The following PLA2G2C variants were observed in gnomAD, a reference collection of about 807,000 sequenced individuals.
PLA2G2C encodes the protein putative inactive group IIC secretory phospholipase A2.
PLA2G2C carries 15 observed loss-of-function variants against 14.3 expected under a neutral mutation model. The ratio of observed to expected loss-of-function variants is 1.05; its 90% CI spans 0.70 to 1.62. PLA2G2C has a LOEUF of 1.62. Among genes scored for constraint, PLA2G2C ranks in the 40% most tolerant of loss-of-function variants. The pLI is 0.00. For missense variants in PLA2G2C, 162 were observed against 173.2 expected (o/e 0.94, Z 0.36); for synonymous variants, 79 against 67.7 (o/e 1.17, Z -0.82).
intron 4 of PLA2G2C, among the ~76,000 whole-genome samples, chr1:20,168,078 C>T (rs1349526525): frequency 6.6e-6 from 1 of 152,258 alleles, no homozygotes; most frequent in Admixed American, 6.5e-5. Context: ...TTGCTGACTA[C>T]ATTGCCACAC....
chr1:20,165,797 TTG>T (rs1395659413), intron 4 of PLA2G2C, among the ~76,000 whole-genome samples: 1 of 151,708 alleles, frequency 6.6e-6, no homozygotes, highest in Admixed American at 6.6e-5. Context: ...TGTGCGTGCA[TTG>T]TGTGTTTGTG....
intron 1 of PLA2G2C, among the ~76,000 whole-genome samples, chr1:20,181,895 A>G (rs2018284398): frequency 6.6e-6 from 1 of 152,068 alleles, no homozygotes; most frequent in Non-Finnish European, 1.5e-5. Context: ...AGAGCAACTA[A>G]CTCAGGGGCC....
intron 1 of PLA2G2C, among the ~76,000 whole-genome samples, chr1:20,179,296 G>A (rs184352805): frequency 2.7e-3 from 404 of 151,272 alleles, no homozygotes; most frequent in Middle Eastern, 0.01. Flanking sequence ...GTGTGTGTGC[G>A]CGCGCACGTG....
At chr1:20,165,698 GTGCA>G (rs1267823697) in intron 4 of PLA2G2C, among the ~76,000 whole-genome samples, 1 of 150,294 alleles carries the variant, frequency 6.7e-6, no homozygotes, top group Non-Finnish European at 1.5e-5. Context: ...ATGCGCGTGT[GTGCA>G]TGCGTGTGCC....
chr1:20,183,893 C>A (rs1400800247), intron 1 of PLA2G2C, among the ~76,000 whole-genome samples: 3 of 152,180 alleles, frequency 2.0e-5, no homozygotes, highest in Non-Finnish European at 4.4e-5. Context: ...TTTCAGCTGG[C>A]AGGGCAATGA....
At chr1:20,183,913 A>G (rs1034572944) in intron 1 of PLA2G2C, among the ~76,000 whole-genome samples, 25 of 152,326 alleles carry the variant, frequency 1.6e-4, no homozygotes, top group Admixed American at 1.5e-3. Flanking sequence ...ACCTCTGCCC[A>G]TGTTTACTGA....
intron 4 of PLA2G2C, among the ~76,000 whole-genome samples, chr1:20,171,624 A>G (rs2018075999): frequency 6.6e-6 from 1 of 152,070 alleles, no homozygotes; most frequent in Non-Finnish European, 1.5e-5. Flanking sequence ...TAGTTCCCTG[A>G]CCTCAGGAGG....
At chr1:20,185,901 C>T (rs1347431278) in intron 1 of PLA2G2C, among the ~76,000 whole-genome samples, 1 of 152,226 alleles carries the variant, frequency 6.6e-6, no homozygotes, top group Non-Finnish European at 1.5e-5. Context: ...GAGAAGGAGG[C>T]CGCGGGTCCC....
At position 20,175,111 on chromosome 1, in the gene PLA2G2C, C is replaced by G. The variant is rs752547599; in HGVS notation, c.75G>C (p.Arg25Ser). The change falls in exon 3 of 5, where the codon AGG becomes AGC. Residue 25 changes from arginine to serine, a missense_variant. Transcript: ENST00000679259. ...TTCGCCCCGTGATGTGTTTGACCCTCCTCTGAAACTGCCAGAAACTGCTGT... is the reference window on the plus strand; with the variant it reads ...TTCGCCCCGTGATGTGTTTGACCCTGCTCTGAAACTGCCAGAAACTGCTGT... ...PTHSSFWQFQ[R>S]RVKHITGRSA... 3.7e-6 allele frequency: 6 copies of G among 1,613,966 alleles called. No individual in the cohort carries two copies. The highest frequency in any genetic ancestry group is 4.2e-6 in the Non-Finnish European group (5 of 1,179,874).
rs567404397 is a variant in PLA2G2C, at chr1:20,182,996, C to T, written c.-77+3364G>A. Reference sequence around the variant, plus strand: ...CTAGCCTTGGAATCAGCACCACCATCATCATTGCCGAGCACGTATCACAAA... The same window carrying T: ...CTAGCCTTGGAATCAGCACCACCATTATCATTGCCGAGCACGTATCACAAA... On this transcript the variant is annotated intron_variant, in intron 1 of 4. Transcript: ENST00000679259. Among the ~76,000 whole-genome samples the T allele has an allele frequency of 5.6e-5, 8 of 143,854 alleles. No individual in the cohort carries two copies. In the South Asian group the frequency reaches 1.7e-3, roughly 30 times the overall value. 94.4% of individuals were successfully genotyped at this position (143,854 alleles called of 152,430 possible).
rs2017911910 is a variant in PLA2G2C, at chr1:20,163,835, T to A, written c.*156A>T. ...GATGCTGAACGACAGGGAGTCCCCT[T>A]GGTCAGAATGCTGAAGGGTGAGCTG... On this transcript the variant is annotated 3_prime_UTR_variant, in exon 5 of 5. Coordinates refer to ENST00000679259, the MANE Select transcript of PLA2G2C (RefSeq NM_001367969.2). 2 of 803,264 alleles carry A rather than the reference T, an allele frequency of 2.5e-6. No individual in the cohort carries two copies. Among genetic ancestry groups the A allele is most frequent in the Non-Finnish European group, 1.9e-6 (1 of 528,000 alleles). The allele number at this position is 803,264 out of a possible 1,614,324, so 49.8% of individuals were successfully genotyped here.
At chr1:20,170,709 T>A (rs2018059185) in intron 4 of PLA2G2C, among the ~76,000 whole-genome samples, 1 of 95,512 alleles carries the variant, frequency 1.0e-5, no homozygotes. Flanking sequence ...AGGCGGGTGC[T>A]GATGCCCTGG....
chr1:20,182,718 C>G (rs1225768164), intron 1 of PLA2G2C, among the ~76,000 whole-genome samples: 1 of 152,220 alleles, frequency 6.6e-6, no homozygotes, highest in Non-Finnish European at 1.5e-5. Context: ...TCACCTTCTG[C>G]TTAAAGGTTA....
chr1:20,183,656 G>A (rs2018313693), intron 1 of PLA2G2C, among the ~76,000 whole-genome samples: 1 of 152,228 alleles, frequency 6.6e-6, no homozygotes, highest in South Asian at 2.1e-4. Context: ...TTTGTGGGGA[G>A]GCTGTGGTCA....
Position 20,164,124 on chromosome 1 carries a change from T to C in PLA2G2C, c.317A>G (p.His106Arg), listed in dbSNP as rs1048508133. The C allele has an allele frequency of 1.9e-6, 3 of 1,613,526 alleles. No homozygotes were observed. In the African/African-American group the frequency reaches 4.0e-5, roughly 22 times the overall value. The change falls in exon 5 of 5, where the codon CAC becomes CGC. Residue 106 changes from histidine (H) to arginine (R), a missense_variant. His to Arg is a conservative substitution (Grantham distance 29, BLOSUM62 0). Transcript: ENST00000679259. ...GCTLGPGASC[H>R]CRLKACECDK... ...ACACTCACAGGCCTTCAGCCTGCAG[T>C]GGCAGCTGGCACCAGGACCAAGGGT... is the stretch of plus-strand genomic sequence containing the variant.
At chr1:20,183,011 C>T (rs1304351647) in intron 1 of PLA2G2C, among the ~76,000 whole-genome samples, 3 of 152,188 alleles carry the variant, frequency 2.0e-5, no homozygotes, top group Non-Finnish European at 2.9e-5. Flanking sequence ...TTGCCGAGCA[C>T]GTATCACAAA....
At chr1:20,164,278 A>G in intron 4 of PLA2G2C, 121 bp from the exon 5 acceptor site, 1 of 972,190 alleles carries the variant, frequency 1.0e-6, no homozygotes, top group Non-Finnish European at 1.5e-6. Context: ...AAGGAAAGCC[A>G]CTGAAAGGGA....
At chr1:20,179,521 C>CTGTG (rs35039220) in intron 1 of PLA2G2C, among the ~76,000 whole-genome samples, 5,460 of 136,464 alleles carry the variant, frequency 0.04, 162 homozygotes, top group African/African-American at 0.066. Context: ...ATGTCAGTTT[C>CTGTG]TGTGTGTGTG....
intron 1 of PLA2G2C, among the ~76,000 whole-genome samples, chr1:20,178,062 G>C (rs927542607): frequency 6.6e-6 from 1 of 152,214 alleles, no homozygotes; most frequent in Non-Finnish European, 1.5e-5. Flanking sequence ...TCACATAGCT[G>C]TCTACTTCAC....
Sources: gnomAD v4.1 joint callset for allele counts (sites outside exome capture counted in the v4.1 genomes callset) on GRCh38, gnomAD v4.1.1 for gene constraint, MANE v1.5 for transcripts, NCBI Gene and HGNC (gene_info 2026-07-23, HGNC 2026-07-21) for gene names.